NKAIN3: variants seen among roughly 807,000 people sequenced by gnomAD.
NKAIN3 encodes sodium/potassium-transporting ATPase subunit beta-1-interacting protein 3.
Under a neutral mutation model 30.2 loss-of-function variants are expected in NKAIN3, and 25 were observed. That is an observed-to-expected ratio of 0.83 (90% CI 0.60 to 1.16). The LOEUF (loss-of-function observed/expected upper bound fraction) is 1.16. NKAIN3 is among the 50% of genes most tolerant of loss of function. The pLI is 0.00. For missense variants in NKAIN3, 225 were observed against 254.1 expected (o/e 0.89, Z 0.78); for synonymous variants, 91 against 89.6 (o/e 1.02, Z -0.09).
chr8:62,730,629 G>A (rs1047701778), intron 3 of NKAIN3, among the ~76,000 whole-genome samples: 3 of 151,992 alleles, frequency 2.0e-5, no homozygotes, highest in African/African-American at 7.2e-5. Context: ...ATCTTTGTAA[G>A]AATTAAAGAA....
rs189581292 is a variant in NKAIN3, at chr8:62,470,005, C to T, written c.55-109534C>T. Among the ~76,000 whole-genome samples the T allele has an allele frequency of 1.8e-3, 278 of 152,242 alleles. 1 individual carries two copies. Among genetic ancestry groups the T allele is most frequent in the African/African-American group, 6.3e-3 (261 of 41,544 alleles). On this transcript the variant is annotated intron_variant, in intron 1 of 6. Transcript: ENST00000623646. ...ATGCTTTGCAGCTCTCCCAATTCCC[C>T]GCAGCCTCTTCTTTACTAATAGAGG...
At chr8:62,782,365 T>A (rs1162975555) in intron 4 of NKAIN3, among the ~76,000 whole-genome samples, 2 of 152,040 alleles carry the variant, frequency 1.3e-5, no homozygotes, top group East Asian at 3.9e-4. Context: ...GTATGTAGAT[T>A]TCTTAAAAAA....
intron 4 of NKAIN3, among the ~76,000 whole-genome samples, chr8:62,800,910 C>A (rs1394098507): frequency 1.3e-5 from 2 of 152,348 alleles, no homozygotes; most frequent in East Asian, 1.9e-4. Context: ...GTCACTCCCA[C>A]CCTAATACTG....
intron 3 of NKAIN3, among the ~76,000 whole-genome samples, chr8:62,713,659 A>G (rs1278224029): frequency 6.6e-6 from 1 of 152,184 alleles, no homozygotes; most frequent in African/African-American, 2.4e-5. Context: ...TCCCTTCAAT[A>G]AATTTTTATA....
At chr8:62,315,601 G>A (rs1177540351) in intron 1 of NKAIN3, among the ~76,000 whole-genome samples, 2 of 152,132 alleles carry the variant, frequency 1.3e-5, no homozygotes, top group East Asian at 1.9e-4. Context: ...AGAAATCAGG[G>A]ATGTGGCCAT....
intron 5 of NKAIN3, among the ~76,000 whole-genome samples, chr8:62,994,369 C>T (rs1162900461): frequency 6.6e-6 from 1 of 152,110 alleles, no homozygotes; most frequent in African/African-American, 2.4e-5. Flanking sequence ...AGTATGCCAC[C>T]ATGTTCGTGA....
intron 3 of NKAIN3, among the ~76,000 whole-genome samples, chr8:62,684,582 A>G (rs1331410640): frequency 6.6e-6 from 1 of 152,182 alleles, no homozygotes; most frequent in Non-Finnish European, 1.5e-5. Context: ...TCTATGAGAG[A>G]AGAATATAGG....
rs1394356776 is a variant in NKAIN3, at chr8:62,600,404, T to C, written c.273+10610T>C. 2.0e-5 allele frequency among the ~76,000 whole-genome samples: 3 copies of C among 152,040 alleles called. No homozygotes were observed. The East Asian group carries it at 5.8e-4, about 30-fold the overall frequency. Reference sequence around the variant, plus strand: ...AATGGACTAACTCTTACTGGTTTCCTACACAGCACAGGGGCTTCCCATCAG... The same window carrying C: ...AATGGACTAACTCTTACTGGTTTCCCACACAGCACAGGGGCTTCCCATCAG... On this transcript the variant is annotated intron_variant, in intron 3 of 6. Coordinates refer to ENST00000623646, the MANE Select transcript of NKAIN3 (RefSeq NM_001304533.3).
chr8:62,633,356 G>T (rs1051845622), intron 3 of NKAIN3, among the ~76,000 whole-genome samples: 1 of 152,122 alleles, frequency 6.6e-6, no homozygotes, highest in African/African-American at 2.4e-5. Context: ...GGTCCTGAAT[G>T]CTTACTATCT....
At chr8:62,790,674 G>C (rs1037046582) in intron 4 of NKAIN3, among the ~76,000 whole-genome samples, 1 of 150,618 alleles carries the variant, frequency 6.6e-6, no homozygotes, top group Non-Finnish European at 1.5e-5. Context: ...TGTATGTCTA[G>C]TACGTTTCCA....
intron 5 of NKAIN3, among the ~76,000 whole-genome samples, chr8:62,948,035 C>A (rs1437848036): frequency 6.6e-6 from 1 of 152,138 alleles, no homozygotes; most frequent in African/African-American, 2.4e-5. Context: ...AAGCAGCTTG[C>A]CCATATGAGC....
chr8:62,618,919 G>C (rs1811543303), intron 3 of NKAIN3, among the ~76,000 whole-genome samples: 1 of 149,926 alleles, frequency 6.7e-6, no homozygotes, highest in Admixed American at 6.6e-5. Flanking sequence ...AAAAACAAAA[G>C]AAAAGAAAAG....
chr8:62,815,622 C>T (rs1293165874), intron 4 of NKAIN3, among the ~76,000 whole-genome samples: 1 of 152,112 alleles, frequency 6.6e-6, no homozygotes, highest in Non-Finnish European at 1.5e-5. Flanking sequence ...ACAAAAACCA[C>T]ATGATTATCT....
intron 1 of NKAIN3, among the ~76,000 whole-genome samples, chr8:62,280,622 A>G (rs1158252463): frequency 3.3e-5 from 5 of 152,154 alleles, no homozygotes; most frequent in Admixed American, 2.0e-4. Flanking sequence ...TTCTGCATCT[A>G]TTGAGATAAT....
At chr8:62,841,326 A>G (rs1446479731) in intron 4 of NKAIN3, among the ~76,000 whole-genome samples, 2 of 151,966 alleles carry the variant, frequency 1.3e-5, no homozygotes, top group Admixed American at 6.6e-5. Flanking sequence ...TTGTGATGAC[A>G]TCTTTGAAAT....
chr8:62,888,576 G>C (rs1255536592), intron 4 of NKAIN3, among the ~76,000 whole-genome samples: 1 of 152,180 alleles, frequency 6.6e-6, no homozygotes, highest in Non-Finnish European at 1.5e-5. Context: ...TTACTTCTCT[G>C]AGTATCTAAG....
At chr8:62,990,230 G>A in intron 5 of NKAIN3, 1 of 1,552,326 alleles carries the variant, frequency 6.4e-7, no homozygotes, top group South Asian at 1.2e-5. Flanking sequence ...TATTGAATAA[G>A]CAAGAATTAG....
chr8:62,855,556 G>A (rs867731041), intron 4 of NKAIN3: 5 of 1,540,228 alleles, frequency 3.2e-6, no homozygotes, highest in Middle Eastern at 2.3e-4. Flanking sequence ...CCACCAGGGA[G>A]TCCAATCTTT....
chr8:62,751,814 C>CTGTG lies in NKAIN3; in HGVS notation c.471+4709_471+4712dup, dbSNP rs3032932. ...TTATACACAATGTTATACTAAAAAACTGTGTGTGTGTGTGTGTGTGTGTGT... is the reference window on the plus strand; with the variant it reads ...TTATACACAATGTTATACTAAAAAACTGTGTGTGTGTGTGTGTGTGTGTGTGTGT... On this transcript the variant is annotated intron_variant, in intron 4 of 6. Transcript: ENST00000623646. Among the ~76,000 whole-genome samples, 1,367 of 146,674 alleles carry CTGTG rather than the reference C, an allele frequency of 9.3e-3. 11 individuals are homozygous for CTGTG. Among genetic ancestry groups the CTGTG allele is most frequent in the Non-Finnish European group, 0.013 (848 of 66,454 alleles).
Sources: gnomAD v4.1 joint callset for allele counts (sites outside exome capture counted in the v4.1 genomes callset) on GRCh38, gnomAD v4.1.1 for gene constraint, MANE v1.5 for transcripts, NCBI Gene and HGNC (gene_info 2026-07-23, HGNC 2026-07-21) for gene names.